The following FGF14 variants were observed in gnomAD, a reference collection of about 807,000 sequenced individuals.
The protein encoded by FGF14 is fibroblast growth factor 14, also known as fibroblast growth factor homologous factor 4.
FGF14 carries 5 observed loss-of-function variants against 25.5 expected under a neutral mutation model. The observed-to-expected ratio is 0.20, with a 90% CI of 0.10 to 0.41. The LOEUF is 0.41. Ranked by LOEUF, FGF14 falls within the 10% of genes least tolerant of loss-of-function variation. The probability of loss-of-function intolerance (pLI) is 1.00; values close to 1 mark genes in which losing one functional copy is unlikely to be tolerated. For synonymous variants in FGF14, 138 were observed against 118.3 expected, an observed-to-expected ratio of 1.17 and a Z score of -1.08; for missense variants, 222 against 320.1, an observed-to-expected ratio of 0.69 and a Z score of 2.34.
At chr13:101,812,464 C>T (rs1332623589) in intron 3 of FGF14, among the ~76,000 whole-genome samples, 1 of 150,896 alleles carries the variant, frequency 6.6e-6, no homozygotes, top group African/African-American at 2.4e-5. Flanking sequence ...ATTTTGTTAT[C>T]CATAAACTTT....
chr13:102,039,132 A>T (rs994790030), intron 1 of FGF14, among the ~76,000 whole-genome samples: 14 of 152,230 alleles, frequency 9.2e-5, no homozygotes, highest in Non-Finnish European at 4.4e-5. Context: ...AATTCAATTC[A>T]GATTTAAAGT....
At chr13:101,801,058 C>T (rs767760580) in intron 3 of FGF14, among the ~76,000 whole-genome samples, 2 of 152,174 alleles carry the variant, frequency 1.3e-5, no homozygotes, top group Non-Finnish European at 2.9e-5. Context: ...TGAGGGACAG[C>T]TACCTCGAAG....
intron 1 of FGF14, among the ~76,000 whole-genome samples, chr13:102,355,795 A>C (rs750458341): frequency 1.3e-5 from 2 of 152,140 alleles, no homozygotes; most frequent in Non-Finnish European, 2.9e-5. Flanking sequence ...GAATATATTT[A>C]AAATAATTCT....
At chr13:102,161,804 C>T (rs2047786395) in intron 1 of FGF14, among the ~76,000 whole-genome samples, 1 of 149,054 alleles carries the variant, frequency 6.7e-6, no homozygotes, top group South Asian at 2.1e-4. Context: ...ATTGCGTTCC[C>T]AATATAGTGC....
rs560303712 is a variant in FGF14, at chr13:102,241,936, T to C, written c.208+159535A>G. 1.4e-4 allele frequency among the ~76,000 whole-genome samples: 21 copies of C among 152,168 alleles called. No homozygotes were observed. In the East Asian group the frequency reaches 3.7e-3, roughly 27 times the overall value. Reference sequence around the variant, plus strand: ...CAAAGAATCTTTATTCTTGGCAACCTGAAAATAAAAAATCAACTAAATGCT... The same window carrying C: ...CAAAGAATCTTTATTCTTGGCAACCCGAAAATAAAAAATCAACTAAATGCT... On this transcript the variant is annotated intron_variant, in intron 1 of 4. Coordinates refer to the FGF14 transcript ENST00000376131.
chr13:102,165,687 A>T, intron 1 of FGF14, among the ~76,000 whole-genome samples: 1 of 111,952 alleles, frequency 8.9e-6, no homozygotes. Context: ...GGGGGGAGGG[A>T]TAGCATTAGG....
Position 102,145,265 on chromosome 13 carries a change from G to A in FGF14, c.208+256206C>T, listed in dbSNP as rs144810986. Among the ~76,000 whole-genome samples, 640 of 152,158 alleles carry A rather than the reference G, an allele frequency of 4.2e-3. 1 individual carries two copies. Among genetic ancestry groups the A allele is most frequent in the African/African-American group, 0.014 (581 of 41,506 alleles). On this transcript the variant is annotated intron_variant, in intron 1 of 4. Transcript: ENST00000376131. ...TTTGGCAATGATTGATTTAGAAATC[G>A]GCATGAGACTCAATTCTAGCCAATG... is the stretch of plus-strand genomic sequence containing the variant.
chr13:102,164,573 G>A (rs759448709), intron 1 of FGF14, among the ~76,000 whole-genome samples: 4 of 152,148 alleles, frequency 2.6e-5, no homozygotes, highest in Non-Finnish European at 5.9e-5. Flanking sequence ...CCAGGATGGG[G>A]AACAAGAAGA....
chr13:102,045,570 C>A (rs2140022317), intron 1 of FGF14, among the ~76,000 whole-genome samples: 1 of 152,140 alleles, frequency 6.6e-6, no homozygotes, highest in South Asian at 2.1e-4. Flanking sequence ...ATTAAAAGAC[C>A]ATGCAGTGGC....
At chr13:102,079,953 G>A (rs1468032760) in intron 1 of FGF14, among the ~76,000 whole-genome samples, 2 of 152,184 alleles carry the variant, frequency 1.3e-5, no homozygotes, top group African/African-American at 2.4e-5. Flanking sequence ...TGCCTGGCAT[G>A]TATGAGACAT....
At chr13:102,360,205 T>G (rs1040234651) in intron 1 of FGF14, among the ~76,000 whole-genome samples, 10 of 152,196 alleles carry the variant, frequency 6.6e-5, no homozygotes, top group African/African-American at 2.4e-4. Context: ...AAATCCTCAT[T>G]TGAAGAAGGA....
chr13:101,941,603 T>C (rs2035455321), intron 1 of FGF14, among the ~76,000 whole-genome samples: 1 of 152,208 alleles, frequency 6.6e-6, no homozygotes, highest in Non-Finnish European at 1.5e-5. Flanking sequence ...AACCCAGGAA[T>C]CTTTTCTAAA....
chr13:101,994,262 G>A (rs1015443638), intron 1 of FGF14, among the ~76,000 whole-genome samples: 11 of 151,958 alleles, frequency 7.2e-5, no homozygotes, highest in Admixed American at 1.3e-4. Context: ...TTTCCTACAT[G>A]TTCAATACAT....
chr13:102,377,657 A>T (rs947250711), intron 1 of FGF14, among the ~76,000 whole-genome samples: 73 of 152,122 alleles, frequency 4.8e-4, no homozygotes, highest in African/African-American at 1.6e-3. Context: ...AAAAATACAA[A>T]ATTAGCTGGG....
chr13:101,879,607 A>G (rs1035074837), intron 1 of FGF14, among the ~76,000 whole-genome samples: 7 of 152,188 alleles, frequency 4.6e-5, no homozygotes, highest in Admixed American at 1.3e-4. Context: ...TTTAAATGGA[A>G]AAATGTACAC....
At chr13:102,246,118 A>T (rs2051854456) in intron 1 of FGF14, among the ~76,000 whole-genome samples, 2 of 152,058 alleles carry the variant, frequency 1.3e-5, no homozygotes, top group African/African-American at 4.8e-5. Flanking sequence ...TAATTTAGCC[A>T]AGATATCTGA....
intron 1 of FGF14, 108 bp from the exon 2 acceptor site, chr13:101,875,404 G>A (rs1216840974): frequency 3.9e-6 from 3 of 763,112 alleles, no homozygotes; most frequent in Non-Finnish European, 6.9e-6. Flanking sequence ...TATACAAGTA[G>A]CATATTTTAT....
At chr13:102,321,988 G>A (rs990576947) in intron 1 of FGF14, among the ~76,000 whole-genome samples, 2 of 152,170 alleles carry the variant, frequency 1.3e-5, no homozygotes, top group Non-Finnish European at 2.9e-5. Flanking sequence ...GACCCAGACA[G>A]GATTAGATTG....
intron 1 of FGF14, among the ~76,000 whole-genome samples, chr13:102,072,929 G>A (rs1290258717): frequency 6.6e-6 from 1 of 152,160 alleles, no homozygotes; most frequent in Non-Finnish European, 1.5e-5. Context: ...AAGAGTTCAT[G>A]CCCCACCTAA....
Sources: allele counts gnomAD v4.1 joint callset (sites outside exome capture counted in the v4.1 genomes callset), GRCh38; gene constraint gnomAD v4.1.1; transcripts MANE v1.5; gene names NCBI Gene and HGNC (gene_info 2026-07-23, HGNC 2026-07-21).